FADS1: variants seen among roughly 807,000 people sequenced by gnomAD.
FADS1 encodes the protein fatty acid desaturase 1.
A neutral mutation model predicts 61.6 loss-of-function variants in FADS1; 17 were observed. The ratio of observed to expected loss-of-function variants is 0.28; its 90% CI spans 0.19 to 0.41. The LOEUF is 0.41. Among genes scored for constraint, FADS1 ranks in the 10% least tolerant of loss-of-function variants. The probability of loss-of-function intolerance (pLI) is 1.00; values close to 1 mark genes in which losing one functional copy is unlikely to be tolerated. For synonymous variants in FADS1, 238 were observed against 258.7 expected (o/e 0.92, Z 0.77); for missense variants, 387 against 650.9 (o/e 0.59, Z 4.41).
chr11:61,802,989 T>TA lies in FADS1; in HGVS notation c.1328+42dup, dbSNP rs746594020. The TA allele has an allele frequency of 6.2e-6, 10 of 1,613,964 alleles. No homozygotes were observed. The highest frequency in any genetic ancestry group is 7.6e-6 in the Non-Finnish European group (9 of 1,179,932). On this transcript the variant is annotated intron_variant, in intron 10 of 11. Transcript: ENST00000350997. This position sits in a 1 kb window ranked among gnomAD's most constrained non-coding sequence, Gnocchi z 4.2. ...TCTGCTCCCACCTGTACCCAACACT[T>TA]ACACCCTCCCCAGGACCCTGCTTCC...
rs201323234 is a variant in FADS1, at chr11:61,810,847, G to A, written c.819C>T (p.His273=). Residue 273 remains histidine, a synonymous_variant, in exon 5 of 12, where the codon CAC becomes CAT. Transcript: ENST00000350997. ...AGTTGGGCTTGGCATGGTGCTGGAA[G>A]TGCATGTGGTTCCACCAACTGGCGG... ...GAPASWWNHM[H]FQHHAKPNCF... 68 of 1,614,084 alleles carry A rather than the reference G, an allele frequency of 4.2e-5. No individual in the cohort carries two copies. The highest frequency in any genetic ancestry group is 1.1e-5 in the South Asian group (1 of 91,090).
In FADS1 at chr11:61,810,790, A is replaced by G. The variant is rs1028736610; in HGVS notation, c.876T>C (p.His292=). 3 of 1,614,072 alleles carry G rather than the reference A, an allele frequency of 1.9e-6. No homozygotes were observed. Among genetic ancestry groups the G allele is most frequent in the Non-Finnish European group, 2.5e-6 (3 of 1,180,002 alleles). ...CFRKDPDINM[H]PFFFALGKIL... is the part of the protein sequence containing the mutation. Reference sequence around the variant, plus strand: ...TCTTCCCCAAGGCAAAGAAGAAGGGATGCATGTTGATGTCTGGGTCTTTGC... The same window carrying G: ...TCTTCCCCAAGGCAAAGAAGAAGGGGTGCATGTTGATGTCTGGGTCTTTGC... The change falls in exon 5 of 12, where the codon CAT becomes CAC. Residue 292 remains histidine (H), a synonymous_variant. Coordinates refer to ENST00000350997, the MANE Select transcript of FADS1 (RefSeq NM_013402.7).
intron 2 of FADS1, 111 bp from the exon 3 acceptor site, chr11:61,812,779 C>A (rs1468978068): frequency 1.1e-6 from 1 of 921,980 alleles, no homozygotes; most frequent in African/African-American, 1.6e-5. Context: ...TGTGGGAAGT[C>A]CACAGTCCTA....
At chr11:61,807,511 C>A (rs2066902069) in intron 5 of FADS1, among the ~76,000 whole-genome samples, 1 of 152,218 alleles carries the variant, frequency 6.6e-6, no homozygotes, top group African/African-American at 2.4e-5. Flanking sequence ...TTTATCAAAT[C>A]TCCTGAAGGC....
chr11:61,813,342 C>T lies in FADS1; in HGVS notation c.387G>A (p.Val129=), dbSNP rs1565321070. The change falls in exon 2 of 12, where the codon GTG becomes GTA. Residue 129 remains valine, a synonymous_variant. Coordinates refer to ENST00000350997, the MANE Select transcript of FADS1 (RefSeq NM_013402.7). ...YAGQDATDPF[V]AFHINKGLVK... is the part of the protein sequence containing the mutation. ...CAAGGCCCTTGTTGATGTGGAAGGC[C>T]ACAAAGGGATCCTGCAAGTGCCGGG... The T allele has an allele frequency of 6.2e-7, 1 of 1,605,188 alleles. No homozygotes were observed. Among genetic ancestry groups the T allele is most frequent in the Non-Finnish European group, 8.5e-7 (1 of 1,172,942 alleles).
At chr11:61,807,585 C>T (rs1316933963) in intron 5 of FADS1, among the ~76,000 whole-genome samples, 1 of 152,188 alleles carries the variant, frequency 6.6e-6, no homozygotes, top group African/African-American at 2.4e-5. Context: ...TCTGAAGGTT[C>T]CAGCAGTTTT....
chr11:61,815,979 G>A lies in FADS1; in HGVS notation c.375+576C>T. 2.2e-6 allele frequency: 1 copy of A among 451,560 alleles called. No individual in the cohort carries two copies. The highest frequency in any genetic ancestry group is 4.0e-6 in the Non-Finnish European group (1 of 249,238). 28.0% of individuals were successfully genotyped at this position (451,560 alleles called of 1,614,324 possible). ...AGCGCTGTCCCTTCCGCGTCCTCCAGTCTTCACACGACGCAGGGGTCCCCA... is the reference window on the plus strand; with the variant it reads ...AGCGCTGTCCCTTCCGCGTCCTCCAATCTTCACACGACGCAGGGGTCCCCA... On this transcript the variant is annotated intron_variant, in intron 1 of 11. Coordinates refer to ENST00000350997, the MANE Select transcript of FADS1 (RefSeq NM_013402.7). The surrounding 1 kb of genome is among the most constrained non-coding windows in gnomAD (Gnocchi z 6.4).
chr11:61,803,850 G>T lies in FADS1; in HGVS notation c.1054-83C>A. 9.7e-7 allele frequency: 1 copy of T among 1,035,690 alleles called. No homozygotes were observed. Among genetic ancestry groups the T allele is most frequent in the Non-Finnish European group, 1.5e-6 (1 of 666,400 alleles). The allele number at this position is 1,035,690 out of a possible 1,614,324, so 64.2% of individuals were successfully genotyped here. ...AGCAGCTCTTTGTTTGCATGGTGCA[G>T]CCATTCTCCTGGTTATCCAGACTCA... On this transcript the variant is annotated intron_variant, in intron 7 of 11. Transcript: ENST00000350997. This position sits in a 1 kb window ranked among gnomAD's most constrained non-coding sequence, Gnocchi z 4.3.
At chr11:61,808,387 C>T (rs2066908785) in intron 5 of FADS1, among the ~76,000 whole-genome samples, 1 of 151,932 alleles carries the variant, frequency 6.6e-6, no homozygotes, top group South Asian at 2.1e-4. Context: ...TCTCCCCGGC[C>T]AGCTATGAGG....
chr11:61,805,774 T>G (rs1045561029), intron 6 of FADS1: 6 of 152,226 alleles, frequency 3.9e-5, no homozygotes, highest in African/African-American at 7.2e-5. Context: ...CTCACTCTGT[T>G]GCCCAGGCTG....
At chr11:61,811,988 C>T in intron 3 of FADS1, 1 of 350,770 alleles carries the variant, frequency 2.9e-6, no homozygotes, top group Non-Finnish European at 5.8e-6. Context: ...GCTAGGATTA[C>T]AGACATGAGT....
intron 6 of FADS1, 71 bp from the exon 7 acceptor site, chr11:61,804,832 G>A (rs751651401): frequency 7.6e-7 from 1 of 1,316,626 alleles, no homozygotes; most frequent in East Asian, 2.3e-5. Context: ...TTGATGTTGG[G>A]AGAGATGGCC....
At chr11:61,806,566 T>C (rs1050834363) in intron 6 of FADS1, 98 bp downstream of exon 6, 1 of 1,124,408 alleles carries the variant, frequency 8.9e-7, no homozygotes, top group African/African-American at 1.5e-5. Context: ...CTAGCCCCTT[T>C]CCTTAAAATA....
At chr11:61,804,075 G>T in intron 7 of FADS1, 1 of 446,354 alleles carries the variant, frequency 2.2e-6, no homozygotes, top group Non-Finnish European at 4.1e-6. Context: ...CCAGGACCAT[G>T]GCTCAGTCCA....
chr11:61,816,790 G>C lies in FADS1; in HGVS notation c.140C>G (p.Ala47Gly). ...CCTGGCGACGCCGCGCGCCGGGCCAGCAGGGGCTGTCAGGCGCGTGCTCGG... is the reference window on the plus strand; with the variant it reads ...CCTGGCGACGCCGCGCGCCGGGCCACCAGGGGCTGTCAGGCGCGTGCTCGG... The part of the protein sequence containing the change: ...RTPSTRLTAP[A>G]GPARGVARPA... The change falls in exon 1 of 12, where the codon GCT becomes GGT. Residue 47 changes from alanine (A) to glycine (G), a missense_variant. Coordinates refer to ENST00000350997, the MANE Select transcript of FADS1 (RefSeq NM_013402.7). This position sits in a 1 kb window ranked among gnomAD's most constrained non-coding sequence, Gnocchi z 7.0. 4 of 1,512,944 alleles carry C rather than the reference G, an allele frequency of 2.6e-6. No individual in the cohort carries two copies. The highest frequency in any genetic ancestry group is 3.5e-6 in the Non-Finnish European group (4 of 1,137,606). 93.7% of individuals were successfully genotyped at this position (1,512,944 alleles called of 1,614,324 possible).
intron 1 of FADS1, chr11:61,813,604 A>C: frequency 2.1e-6 from 1 of 477,462 alleles, no homozygotes; most frequent in Non-Finnish European, 3.7e-6. Context: ...ACCCTGTAAA[A>C]TGGACCAATC....
At chr11:61,807,528 G>A (rs1052082743) in intron 5 of FADS1, among the ~76,000 whole-genome samples, 6 of 152,286 alleles carry the variant, frequency 3.9e-5, no homozygotes, top group Middle Eastern at 6.8e-3. Flanking sequence ...AGGCTAATTC[G>A]AGTTTGGCAA....
chr11:61,812,411 A>G (rs887904251), intron 3 of FADS1, 60 bp downstream of exon 3: 73 of 1,537,408 alleles, frequency 4.7e-5, no homozygotes, highest in East Asian at 6.8e-5. Context: ...CAAACACCCA[A>G]GGAGCTTTCC....
Position 61,803,242 on chromosome 11 carries a change from C to T in FADS1, c.1248+121G>A. 8.1e-7 allele frequency: 1 copy of T among 1,239,892 alleles called. No homozygotes were observed. Among genetic ancestry groups the T allele is most frequent in the South Asian group, 1.2e-5 (1 of 81,952 alleles). 76.8% of individuals were successfully genotyped at this position (1,239,892 alleles called of 1,614,324 possible). Reference sequence around the variant, plus strand: ...TCACTCCCTTCACATGGTTGCAGAACAAGAGCCTCAGGCTAATGAGAAAAT... The same window carrying T: ...TCACTCCCTTCACATGGTTGCAGAATAAGAGCCTCAGGCTAATGAGAAAAT... On this transcript the variant is annotated intron_variant, in intron 9 of 11. Transcript: ENST00000350997. The surrounding 1 kb of genome is among the most constrained non-coding windows in gnomAD (Gnocchi z 4.3).
Sources: gnomAD v4.1 joint callset for allele counts (sites outside exome capture counted in the v4.1 genomes callset) on GRCh38, gnomAD v4.1.1 for gene constraint, Gnocchi (gnomAD v3.1) non-coding constraint, MANE v1.5 for transcripts, NCBI Gene and HGNC (gene_info 2026-07-23, HGNC 2026-07-21) for gene names.